Variants in IMMP2L observed in about 807,000 individuals in gnomAD.
The protein encoded by IMMP2L is inner mitochondrial membrane peptidase subunit 2.
A neutral mutation model predicts 19.3 loss-of-function variants in IMMP2L; 18 were observed. That is an observed-to-expected ratio of 0.93 (90% confidence interval 0.64 to 1.38). The LOEUF is 1.38. IMMP2L is among the 40% of genes most tolerant of loss of function. The pLI is 0.00. For missense variants in IMMP2L, 233 were observed against 218.2 expected, an observed-to-expected ratio of 1.07 and a Z score of -0.43; for synonymous variants, 76 against 73.0, an observed-to-expected ratio of 1.04 and a Z score of -0.21.
chr7:111,482,194 G>A (rs1842250847), intron 3 of IMMP2L, among the ~76,000 whole-genome samples: 1 of 152,198 alleles, frequency 6.6e-6, no homozygotes, highest in Non-Finnish European at 1.5e-5. Context: ...TACAGGCTTA[G>A]AGTCAAATGA....
At chr7:110,965,429 C>T (rs1188592087) in intron 3 of IMMP2L, among the ~76,000 whole-genome samples, 1 of 151,568 alleles carries the variant, frequency 6.6e-6, no homozygotes, top group African/African-American at 2.4e-5. Context: ...AAGCTAGTTG[C>T]ATTTATTTGT....
At chr7:110,749,678 T>A (rs925095724) in intron 5 of IMMP2L, among the ~76,000 whole-genome samples, 23 of 151,966 alleles carry the variant, frequency 1.5e-4, no homozygotes, top group African/African-American at 5.3e-4. Context: ...TTCTCACTCA[T>A]AAGTGGGAGT....
intron 5 of IMMP2L, among the ~76,000 whole-genome samples, chr7:110,667,498 T>C (rs1457289335): frequency 6.6e-6 from 1 of 152,192 alleles, no homozygotes; most frequent in East Asian, 1.9e-4. Flanking sequence ...ATATTCTCTA[T>C]TATTTTATGG....
chr7:110,702,422 T>C (rs1379898504), intron 5 of IMMP2L, among the ~76,000 whole-genome samples: 1 of 152,192 alleles, frequency 6.6e-6, no homozygotes, highest in Non-Finnish European at 1.5e-5. Context: ...TAGACAATAC[T>C]TTCAGGGCAA....
At chr7:111,209,112 C>T (rs1055420180) in intron 3 of IMMP2L, among the ~76,000 whole-genome samples, 8 of 152,160 alleles carry the variant, frequency 5.3e-5, no homozygotes, top group African/African-American at 1.9e-4. Flanking sequence ...GAACTCACAG[C>T]CGAGCACGGT....
At chr7:111,047,372 C>T (rs910616496) in intron 3 of IMMP2L, among the ~76,000 whole-genome samples, 1 of 151,762 alleles carries the variant, frequency 6.6e-6, no homozygotes, top group African/African-American at 2.4e-5. Flanking sequence ...ATTTTTAGTA[C>T]AGAAGGGGTT....
At chr7:111,297,616 T>C (rs1334468153) in intron 3 of IMMP2L, among the ~76,000 whole-genome samples, 1 of 152,102 alleles carries the variant, frequency 6.6e-6, no homozygotes, top group Non-Finnish European at 1.5e-5. Flanking sequence ...CATAAATGTA[T>C]ATACCAGCTT....
intron 5 of IMMP2L, among the ~76,000 whole-genome samples, chr7:110,866,400 G>A (rs1337062409): frequency 1.3e-5 from 2 of 151,712 alleles, no homozygotes; most frequent in East Asian, 2.0e-4. Flanking sequence ...GCAAGCAGAA[G>A]GAAGATTTTT....
chr7:110,838,961 A>G (rs913004198), intron 5 of IMMP2L, among the ~76,000 whole-genome samples: 3 of 152,018 alleles, frequency 2.0e-5, no homozygotes, highest in African/African-American at 7.2e-5. Context: ...AATATTCAAC[A>G]CTTTAGATCT....
At chr7:111,466,490 A>G (rs183880908) in intron 3 of IMMP2L, among the ~76,000 whole-genome samples, 317 of 152,284 alleles carry the variant, frequency 2.1e-3, no homozygotes, top group African/African-American at 7.5e-3. Context: ...TATTTAAAAA[A>G]TTCCCTTACT....
At chr7:111,215,333 C>T (rs1156771985) in intron 3 of IMMP2L, among the ~76,000 whole-genome samples, 1 of 152,126 alleles carries the variant, frequency 6.6e-6, no homozygotes, top group Non-Finnish European at 1.5e-5. Context: ...TGCTAAGTAA[C>T]AGTATTACAC....
At chr7:111,375,333 T>C (rs918626307) in intron 3 of IMMP2L, among the ~76,000 whole-genome samples, 3 of 152,046 alleles carry the variant, frequency 2.0e-5, no homozygotes, top group African/African-American at 7.2e-5. Context: ...AAGTGGTTTT[T>C]AATCCAATCC....
At chr7:110,733,392 T>C (rs1584650997) in intron 5 of IMMP2L, among the ~76,000 whole-genome samples, 1 of 151,858 alleles carries the variant, frequency 6.6e-6, no homozygotes, top group African/African-American at 2.4e-5. Flanking sequence ...ATAGTTCTGC[T>C]TACATTTTAT....
At chr7:111,385,786 C>A (rs183860027) in intron 3 of IMMP2L, among the ~76,000 whole-genome samples, 1 of 152,226 alleles carries the variant, frequency 6.6e-6, no homozygotes, top group African/African-American at 2.4e-5. Context: ...TCATCTAAGG[C>A]ATAATTTATC....
At chr7:110,917,963 C>G (rs1813809623) in intron 4 of IMMP2L, among the ~76,000 whole-genome samples, 1 of 152,114 alleles carries the variant, frequency 6.6e-6, no homozygotes, top group Admixed American at 6.6e-5. Flanking sequence ...GAGTGCTGCT[C>G]AAATAAAAGT....
rs1330307955 is a variant in IMMP2L, at chr7:111,441,410, G to A, written c.239+45828C>T. ...AATATTGTTGTGTCTCAGGGAATAG[G>A]TAAGCCCAAGGGGAGGGAGAGAGAT... On this transcript the variant is annotated intron_variant, in intron 3 of 5. Coordinates refer to ENST00000405709, the MANE Select transcript of IMMP2L (RefSeq NM_032549.4). Among the ~76,000 whole-genome samples, 3 of 151,748 alleles carry A rather than the reference G, an allele frequency of 2.0e-5. 1 individual carries two copies. Among genetic ancestry groups the A allele is most frequent in the Non-Finnish European group, 4.4e-5 (3 of 68,020 alleles).
At position 111,144,323 on chromosome 7, in the gene IMMP2L, G is replaced by A. The variant is rs367784232; in HGVS notation, c.240-180758C>T. On this transcript the variant is annotated intron_variant, in intron 3 of 5. Transcript: ENST00000405709. ...AGTCAATGTCTACCTCACAGGAATA[G>A]TCGTAAATTCTAGGAACATAGCAGT... 2.0e-3 allele frequency among the ~76,000 whole-genome samples: 308 copies of A among 152,244 alleles called. 2 individuals are homozygous for A. Among genetic ancestry groups the A allele is most frequent in the African/African-American group, 7.0e-3 (292 of 41,554 alleles).
At chr7:111,329,442 TC>T (rs1825657344) in intron 3 of IMMP2L, among the ~76,000 whole-genome samples, 1 of 151,864 alleles carries the variant, frequency 6.6e-6, no homozygotes. Context: ...CAAGAGCAGT[TC>T]AGGAGAAACT....
chr7:111,082,219 T>C (rs1196821187), intron 3 of IMMP2L, among the ~76,000 whole-genome samples: 1 of 152,222 alleles, frequency 6.6e-6, no homozygotes, highest in Non-Finnish European at 1.5e-5. Context: ...TGAGAATCCA[T>C]ATTTTGTCCT....
Sources: allele counts gnomAD v4.1 joint callset (sites outside exome capture counted in the v4.1 genomes callset), GRCh38; gene constraint gnomAD v4.1.1; transcripts MANE v1.5; gene names NCBI Gene and HGNC (gene_info 2026-07-23, HGNC 2026-07-21).